The following ZBTB46 variants were observed in gnomAD, a reference collection of about 807,000 sequenced individuals.
ZBTB46 encodes the protein zinc finger and BTB domain containing 46.
A neutral mutation model predicts 44.1 loss-of-function variants in ZBTB46; 8 were observed. The observed-to-expected ratio is 0.18, with a 90% confidence interval of 0.11 to 0.33. The LOEUF is 0.33. Ranked by LOEUF, ZBTB46 falls within the 10% of genes least tolerant of loss-of-function variation. ZBTB46 has a pLI of 1.00. For synonymous variants in ZBTB46, 409 were observed against 382.3 expected (o/e 1.07, Z -0.81); for missense variants, 651 against 847.7 (o/e 0.77, Z 2.88).
At position 63,803,344 on chromosome 20, in the gene ZBTB46, C is replaced by T. The variant is rs894227926; in HGVS notation, c.-33-12554G>A. On this transcript the variant is annotated intron_variant, in intron 1 of 4. Coordinates refer to ENST00000245663, the MANE Select transcript of ZBTB46 (RefSeq NM_001369741.1). The surrounding 1 kb of genome is among the most constrained non-coding windows in gnomAD (Gnocchi z 4.0). ...TCATATACATCATATTACCATTGTT[C>T]GTGGTCGCATTTCAAAATTTTTAAG... The T allele has an allele frequency of 7.1e-6, 7 of 985,278 alleles. No homozygotes were observed. The highest frequency in any genetic ancestry group is 4.7e-5 in the South Asian group (1 of 21,282). The allele number at this position is 985,278 out of a possible 1,614,324, so 61.0% of individuals were successfully genotyped here. A position where few individuals can be genotyped will look rare whatever the true frequency, so the allele number is the denominator to read the frequency against.
At chr20:63,827,532 C>T (rs1025083324) in intron 1 of ZBTB46, among the ~76,000 whole-genome samples, 1 of 149,280 alleles carries the variant, frequency 6.7e-6, no homozygotes. Flanking sequence ...GGCGTGAACC[C>T]GGGAAGCGGA....
chr20:63,830,542 C>G lies in ZBTB46; in HGVS notation c.-34+555G>C, dbSNP rs542217389. 4.4e-3 allele frequency among the ~76,000 whole-genome samples: 666 copies of G among 150,430 alleles called. 2 individuals carry two copies. Among genetic ancestry groups the G allele is most frequent in the African/African-American group, 0.015 (617 of 41,308 alleles). ...ACCCCCCGGCCTCAGGGCGCCGGGA[C>G]CCGCCCGCGCCCACCTCCCGCAGTT... On this transcript the variant is annotated intron_variant, in intron 1 of 4. Transcript: ENST00000245663.
At chr20:63,756,565 C>CA (rs1408315581) in intron 3 of ZBTB46, among the ~76,000 whole-genome samples, 4 of 152,232 alleles carry the variant, frequency 2.6e-5, no homozygotes, top group Non-Finnish European at 5.9e-5. Context: ...AGATTATTTT[C>CA]AAAAACGTTT....
At chr20:63,816,119 C>T (rs1284678615) in intron 1 of ZBTB46, among the ~76,000 whole-genome samples, 1 of 147,494 alleles carries the variant, frequency 6.8e-6, no homozygotes, top group Non-Finnish European at 1.5e-5. Context: ...GCAGTGGGCG[C>T]AGGTGGGCGC....
upstream of ZBTB46, among the ~76,000 whole-genome samples, chr20:63,832,786 C>A (rs376380425): frequency 6.6e-6 from 1 of 152,152 alleles, no homozygotes; most frequent in African/African-American, 2.4e-5. The surrounding 1 kb of genome is among the most constrained non-coding windows in gnomAD (Gnocchi z 5.0). Context: ...GCCTCACCGA[C>A]CTTCGGGAAG....
intron 1 of ZBTB46, among the ~76,000 whole-genome samples, chr20:63,802,376 T>C (rs957888049): frequency 6.6e-6 from 1 of 151,724 alleles, no homozygotes; most frequent in Non-Finnish European, 1.5e-5. Flanking sequence ...GAGCTGAGAT[T>C]GCGCCACTGC....
At chr20:63,776,830 A>G (rs2092429781) in intron 2 of ZBTB46, among the ~76,000 whole-genome samples, 3 of 152,064 alleles carry the variant, frequency 2.0e-5, no homozygotes, top group Non-Finnish European at 4.4e-5. Context: ...TGCAACCTAT[A>G]TATCTGATAA....
chr20:63,761,780 T>TTA (rs2092279952), intron 3 of ZBTB46, among the ~76,000 whole-genome samples: 1 of 63,318 alleles, frequency 1.6e-5, no homozygotes, highest in African/African-American at 8.3e-5. Context: ...AGACTCTGCC[T>TTA]CAAAAAAAAA....
intron 2 of ZBTB46, among the ~76,000 whole-genome samples, chr20:63,782,491 C>T (rs6122174): frequency 0.54 from 82,695 of 152,060 alleles, 22,673 homozygotes; most frequent in South Asian, 0.62. Flanking sequence ...TTCAGAGAAC[C>T]GTGAGACAAA....
intron 1 of ZBTB46, among the ~76,000 whole-genome samples, chr20:63,808,603 G>A (rs1026669974): frequency 1.2e-4 from 19 of 152,310 alleles, no homozygotes; most frequent in African/African-American, 3.6e-4. Context: ...CAGCGTGGGT[G>A]GGAGGCGGAC....
At chr20:63,769,697 G>A (rs958068548) in intron 3 of ZBTB46, among the ~76,000 whole-genome samples, 6 of 152,152 alleles carry the variant, frequency 3.9e-5, no homozygotes, top group Non-Finnish European at 7.4e-5. Context: ...TGATGAGAAC[G>A]CCAAGGCACG....
chr20:63,813,126 A>C (rs754218980), intron 1 of ZBTB46, among the ~76,000 whole-genome samples: 1 of 151,300 alleles, frequency 6.6e-6, no homozygotes, highest in Non-Finnish European at 1.5e-5. Flanking sequence ...AACAGGCATC[A>C]AAATATGAAA....
At chr20:63,786,988 C>T (rs563297981) in intron 2 of ZBTB46, among the ~76,000 whole-genome samples, 2 of 152,246 alleles carry the variant, frequency 1.3e-5, no homozygotes, top group South Asian at 4.2e-4. Context: ...CTGGCCGTAG[C>T]TCAGTGCAGG....
At position 63,830,005 on chromosome 20, in the gene ZBTB46, T is replaced by G. The variant is rs551196706; in HGVS notation, c.-34+1092A>C. On this transcript the variant is annotated intron_variant, in intron 1 of 4. Coordinates refer to ENST00000245663, the MANE Select transcript of ZBTB46 (RefSeq NM_001369741.1). ...TCTTTAAACAATGCTGATCACAATC[T>G]TGCCACCGTAATCCACTCCAAATGC... is the stretch of plus-strand genomic sequence containing the variant. Among the ~76,000 whole-genome samples the G allele has an allele frequency of 2.6e-5, 4 of 152,346 alleles. No homozygotes were observed. In the South Asian group the frequency reaches 8.3e-4, roughly 32 times the overall value.
chr20:63,803,290 T>TA lies in ZBTB46; in HGVS notation c.-33-12501dup, dbSNP rs2092660950. 1.0e-6 allele frequency: 1 copy of TA among 983,518 alleles called. No individual in the cohort carries two copies. 60.9% of individuals were successfully genotyped at this position (983,518 alleles called of 1,614,324 possible). Reference sequence around the variant, plus strand: ...GAAAAAATTAAGGTTAAGACATGAATACTGTGAAACTGTCGTACAAATTAA... The same window carrying TA: ...GAAAAAATTAAGGTTAAGACATGAATAACTGTGAAACTGTCGTACAAATTAA... On this transcript the variant is annotated intron_variant, in intron 1 of 4. Transcript: ENST00000245663. The surrounding 1 kb of genome is among the most constrained non-coding windows in gnomAD (Gnocchi z 4.0).
chr20:63,831,323 G>A (rs1205139757), upstream of ZBTB46: 14 of 138,006 alleles, frequency 1.0e-4, no homozygotes, highest in African/African-American at 2.9e-4. Context: ...CGCCCCGCCC[G>A]CGGACCCTGA....
At chr20:63,815,033 AC>A (rs2092740187) in intron 1 of ZBTB46, 1 of 174,776 alleles carries the variant, frequency 5.7e-6, no homozygotes, top group Non-Finnish European at 1.2e-5. Context: ...GCGCCACTAC[AC>A]TCCAGCCTGG....
chr20:63,776,344 A>G lies in ZBTB46; in HGVS notation c.938-382T>C, dbSNP rs773938345. 2.6e-5 allele frequency among the ~76,000 whole-genome samples: 4 copies of G among 152,258 alleles called. No homozygotes were observed. In the East Asian group the frequency reaches 7.7e-4, roughly 29 times the overall value. ...ATTTCCATCTCGCAAAGACGAGGAG[A>G]GGCTCAAAATGGATCAATGACGTTA... On this transcript the variant is annotated intron_variant, in intron 2 of 4. Transcript: ENST00000245663.
At chr20:63,774,849 GC>G (rs1252148218) in intron 3 of ZBTB46, among the ~76,000 whole-genome samples, 5 of 151,692 alleles carry the variant, frequency 3.3e-5, no homozygotes, top group Admixed American at 6.6e-5. Flanking sequence ...GACTACAGGC[GC>G]CCGCCACCAC....
Sources: allele counts gnomAD v4.1 joint callset (sites outside exome capture counted in the v4.1 genomes callset), GRCh38; gene constraint gnomAD v4.1.1; non-coding constraint Gnocchi (gnomAD v3.1); transcripts MANE v1.5; gene names NCBI Gene and HGNC (gene_info 2026-07-23, HGNC 2026-07-21).